Variants in MACF1 observed in about 807,000 individuals in gnomAD.
The protein encoded by MACF1 is microtubule actin crosslinking factor 1.
A neutral mutation model predicts 854.8 loss-of-function variants in MACF1; 193 were observed. That is an observed-to-expected ratio of 0.23 (90% CI 0.20 to 0.25). The LOEUF (loss-of-function observed/expected upper bound fraction) is 0.25, where lower values mean the gene tolerates loss of function less well. Among genes scored for constraint, MACF1 ranks in the 10% least tolerant of loss-of-function variants. MACF1 has a pLI of 1.00. For synonymous variants in MACF1, 3,185 were observed against 3,226.7 expected (o/e 0.99, Z 0.44); for missense variants, 7,722 against 8,929.1 (o/e 0.86, Z 5.45).
At chr1:39,242,119 G>A (rs1033949526) in intron 2 of MACF1, among the ~76,000 whole-genome samples, 3 of 151,974 alleles carry the variant, frequency 2.0e-5, no homozygotes, top group Admixed American at 1.3e-4. Flanking sequence ...AGGCTGAGGC[G>A]GGTGGATCAC....
chr1:39,441,889 A>G (rs1028603986), intron 74 of MACF1, 63 bp from the exon 75 acceptor site: 3 of 1,194,056 alleles, frequency 2.5e-6, no homozygotes, highest in Non-Finnish European at 3.8e-6. Context: ...TAGCAGAGAT[A>G]ATGCTAATTC....
intron 70 of MACF1, 60 bp from the exon 71 acceptor site, chr1:39,437,717 C>T (rs1222417041): frequency 3.1e-6 from 4 of 1,270,794 alleles, no homozygotes; most frequent in East Asian, 4.6e-5. Flanking sequence ...TATTCCCTAA[C>T]ACTTCTCCAA....
At chr1:39,107,745 G>T (rs1237128231) in intron 2 of MACF1, among the ~76,000 whole-genome samples, 2 of 152,212 alleles carry the variant, frequency 1.3e-5, no homozygotes, top group Non-Finnish European at 2.9e-5. Context: ...ATTGGTTTTG[G>T]AAAGAGATGG....
intron 6 of MACF1, among the ~76,000 whole-genome samples, chr1:39,280,509 C>T (rs1645522805): frequency 6.6e-6 from 1 of 152,212 alleles, no homozygotes. Flanking sequence ...AGGAAACGTG[C>T]AGTCTAGGGG....
In MACF1 at chr1:39,413,229, T is replaced by C. The variant is rs768829056; in HGVS notation, c.15817-9145T>C. On this transcript the variant is annotated intron_variant, in intron 58 of 100. Transcript: ENST00000564288. ...CAGTGCATGCTCCAGAGGAGCCTGA[T>C]ACTGCAGCTGTCAGAGTGTCCACCC... is the stretch of plus-strand genomic sequence containing the variant. The C allele has an allele frequency of 4.3e-6, 7 of 1,612,668 alleles. No homozygotes were observed. In the Admixed American group the frequency reaches 1.2e-4, roughly 27 times the overall value.
At position 39,231,238 on chromosome 1, in the gene MACF1, A is replaced by C. The variant is rs763096276; in HGVS notation, c.166A>C (p.Met56Leu). ...CACCAAGTGGGTCAACAAGCACTTAATGAAGGTAGGACCCTTTCATATATA... is the reference window on the plus strand; with the variant it reads ...CACCAAGTGGGTCAACAAGCACTTACTGAAGGTAGGACCCTTTCATATATA... ...TFTKWVNKHL[M>L]KVRKHINDLY... Residue 56 changes from methionine (M) to leucine (L), a missense_variant, in exon 2 of 101, where the codon ATG (methionine) becomes CTG (leucine). Coordinates refer to ENST00000564288, the MANE Select transcript of MACF1 (RefSeq NM_001394062.1). The C allele has an allele frequency of 6.2e-7, 1 of 1,614,130 alleles. No individual in the cohort carries two copies. The highest frequency in any genetic ancestry group is 8.5e-7 in the Non-Finnish European group (1 of 1,179,936).
chr1:39,247,068 A>ATTTTTTT (rs58410726), intron 2 of MACF1, among the ~76,000 whole-genome samples: 1 of 93,506 alleles, frequency 1.1e-5, no homozygotes, highest in Non-Finnish European at 2.0e-5. Context: ...TGCCCGGCTA[A>ATTTTTTT]TTTTTTTTTT....
intron 2 of MACF1, among the ~76,000 whole-genome samples, chr1:39,154,560 C>CT (rs1158128643): frequency 6.6e-6 from 1 of 151,972 alleles, no homozygotes; most frequent in African/African-American, 2.4e-5. Flanking sequence ...TTCTAGGGGG[C>CT]TTTGGGGGAA....
intron 90 of MACF1, 136 bp from the exon 91 acceptor site, chr1:39,458,950 T>G (rs1002947342): frequency 2.6e-6 from 2 of 768,324 alleles, no homozygotes; most frequent in African/African-American, 3.5e-5. Context: ...CGTATCTAAA[T>G]ATTGCCAAGT....
chr1:39,303,120 T>C (rs1646083329), intron 23 of MACF1, 42 bp downstream of exon 23: 2 of 1,600,622 alleles, frequency 1.2e-6, no homozygotes, highest in South Asian at 1.1e-5. Context: ...ACCTCTGCTG[T>C]TGGCCTCGGT....
rs527500965 is a variant in MACF1, at chr1:39,333,268, A to T, written c.6680A>T (p.Lys2227Met). 2.5e-6 allele frequency: 4 copies of T among 1,613,982 alleles called. No homozygotes were observed. In the Admixed American group the frequency reaches 5.0e-5, roughly 20 times the overall value. The change falls in exon 37 of 101, where the codon AAG becomes ATG. Residue 2227 changes from lysine (K) to methionine (M), a missense_variant. Transcript: ENST00000564288. ...GGGAATGTTCATCCTCTGGACAAAA[A>T]GGAAATGTTAAAGAAAACATTTCTG... The part of the protein sequence containing the change: ...TDGNVHPLDK[K>M]EMLKKTFLAK...
At position 39,397,062 on chromosome 1, in the gene MACF1, G is replaced by A. The variant is rs550128465; in HGVS notation, c.15816+8404G>A. Among the ~76,000 whole-genome samples the A allele has an allele frequency of 2.4e-4, 36 of 152,260 alleles. 1 individual carries two copies. Among genetic ancestry groups the A allele is most frequent in the African/African-American group, 8.7e-4 (36 of 41,546 alleles). On this transcript the variant is annotated intron_variant, in intron 58 of 100. Transcript: ENST00000564288. ...TTTGCTACACATGGTGATGGTTCAT[G>A]GATGGAGGTTAAAAGGAAGTGATTC...
intron 61 of MACF1, 60 bp downstream of exon 61, chr1:39,424,254 A>T: frequency 7.0e-7 from 1 of 1,436,554 alleles, no homozygotes; most frequent in Non-Finnish European, 9.6e-7. Context: ...TCTTCGACTT[A>T]TTATCACTAT....
chr1:39,485,558 C>T lies in MACF1; in HGVS notation c.22432C>T (p.Arg7478Cys), dbSNP rs766386254. ...NRADPKKSAS[R>C]PGSRAGSRAG... is the part of the protein sequence containing the mutation. ...TCCAGACCCTAAAAAGTCTGCCAGT[C>T]GCCCTGGGAGTCGGGCTGGGAGTCG... The change falls in exon 101 of 101, where the codon CGC becomes TGC. Residue 7478 changes from arginine (R) to cysteine (C), a missense_variant. By Grantham distance (180) the Arg-to-Cys change is radical. Coordinates refer to ENST00000564288, the MANE Select transcript of MACF1 (RefSeq NM_001394062.1). 2 of 1,613,380 alleles carry T rather than the reference C, an allele frequency of 1.2e-6. No homozygotes were observed. Among genetic ancestry groups the T allele is most frequent in the Non-Finnish European group, 8.5e-7 (1 of 1,179,638 alleles).
chr1:39,448,774 A>T lies in MACF1; in HGVS notation c.20258+11A>T, dbSNP rs1472441932. On this transcript the variant is annotated intron_variant, in intron 84 of 100. Transcript: ENST00000564288. ...CAAGTCTGTGGAGCGGTGAGCATGA[A>T]TGTCCCCTTCAGGGGTCTAACCGGG... The T allele has an allele frequency of 6.2e-7, 1 of 1,600,568 alleles. No individual in the cohort carries two copies. Among genetic ancestry groups the T allele is most frequent in the African/African-American group, 1.3e-5 (1 of 74,426 alleles).
intron 15 of MACF1, among the ~76,000 whole-genome samples, chr1:39,288,659 C>T (rs1483565362): frequency 1.3e-5 from 2 of 150,892 alleles, no homozygotes; most frequent in Admixed American, 6.6e-5. Context: ...GGAATGATGG[C>T]GCGCACCGGT....
chr1:39,137,855 CCT>C (rs1437960046), intron 2 of MACF1, among the ~76,000 whole-genome samples: 1 of 151,944 alleles, frequency 6.6e-6, no homozygotes, highest in Non-Finnish European at 1.5e-5. Context: ...AGGTGGATCA[CCT>C]GAGGTCGCGA....
intron 2 of MACF1, chr1:39,102,879 A>G (rs933161214): frequency 1.4e-6 from 1 of 701,594 alleles, no homozygotes; most frequent in Non-Finnish European, 2.6e-6. Flanking sequence ...GAAGCGAAAA[A>G]CCTCCCCTTC....
At chr1:39,414,543 G>A (rs747644140) in intron 58 of MACF1, 1 of 1,594,396 alleles carries the variant, frequency 6.3e-7, no homozygotes, top group African/African-American at 1.3e-5. Flanking sequence ...GGCTGACCTG[G>A]TGGTGATGAG....
Sources: allele counts gnomAD v4.1 joint callset (sites outside exome capture counted in the v4.1 genomes callset), GRCh38; gene constraint gnomAD v4.1.1; transcripts MANE v1.5; gene names NCBI Gene and HGNC (gene_info 2026-07-23, HGNC 2026-07-21).